The following NCOA1 variants were observed in gnomAD, a reference collection of about 807,000 sequenced individuals.
The protein encoded by NCOA1 is nuclear receptor coactivator 1, also known as Hin-2 protein.
In NCOA1, 35 loss-of-function variants were observed where a neutral mutation model predicts 150.9. The observed-to-expected ratio is 0.23, with a 90% CI of 0.18 to 0.31. The LOEUF (loss-of-function observed/expected upper bound fraction) is 0.31, where lower values mean the gene tolerates loss of function less well. Ranked by LOEUF, NCOA1 falls within the 10% of genes least tolerant of loss-of-function variation. The pLI is 1.00. For missense variants in NCOA1, 1,491 were observed against 1,749.3 expected, an observed-to-expected ratio of 0.85 and a Z score of 2.63; for synonymous variants, 590 against 630.0, an observed-to-expected ratio of 0.94 and a Z score of 0.95.
At chr2:24,645,395 C>T (rs569524908) in intron 4 of NCOA1, among the ~76,000 whole-genome samples, 6 of 149,258 alleles carry the variant, frequency 4.0e-5, no homozygotes, top group Non-Finnish European at 7.4e-5. Context: ...CCTAGCTACT[C>T]GGGAGGCTGA....
intron 3 of NCOA1, among the ~76,000 whole-genome samples, chr2:24,599,490 AT>A (rs1216857747): frequency 6.6e-6 from 1 of 152,120 alleles, no homozygotes; most frequent in Non-Finnish European, 1.5e-5. Flanking sequence ...GTGGGAAGGT[AT>A]TTACATGTAT....
At chr2:24,526,241 C>T (rs1213219876) in intron 1 of NCOA1, among the ~76,000 whole-genome samples, 3 of 151,976 alleles carry the variant, frequency 2.0e-5, no homozygotes, top group African/African-American at 7.3e-5. Context: ...AGTGTGATTA[C>T]AGTGATCCAA....
chr2:24,733,114 G>A (rs1291266735), intron 17 of NCOA1, among the ~76,000 whole-genome samples: 1 of 152,180 alleles, frequency 6.6e-6, no homozygotes, highest in Non-Finnish European at 1.5e-5. Flanking sequence ...AAGAAAGAAG[G>A]GGAGAGTAAA....
chr2:24,558,522 C>T (rs1204715674), intron 1 of NCOA1, among the ~76,000 whole-genome samples: 2 of 152,144 alleles, frequency 1.3e-5, no homozygotes, highest in Admixed American at 1.3e-4. Flanking sequence ...GACTTATTCA[C>T]TATCACGAGA....
intron 3 of NCOA1, among the ~76,000 whole-genome samples, chr2:24,608,245 C>CTTA (rs1266276976): frequency 4.5e-4 from 58 of 127,550 alleles, no homozygotes; most frequent in Non-Finnish European, 4.4e-4. Flanking sequence ...ACCCAGTTCC[C>CTTA]CTATTATTAT....
chr2:24,731,651 AAAG>A (rs1663017669), intron 17 of NCOA1, among the ~76,000 whole-genome samples: 2 of 152,206 alleles, frequency 1.3e-5, no homozygotes, highest in African/African-American at 4.8e-5. Flanking sequence ...TAAAGGATTC[AAAG>A]AAGAATTAAA....
intron 17 of NCOA1, among the ~76,000 whole-genome samples, chr2:24,735,881 G>C (rs1663273299): frequency 1.3e-5 from 2 of 152,120 alleles, no homozygotes; most frequent in Admixed American, 6.5e-5. Flanking sequence ...ATTCTATTTT[G>C]GGAAAAAGAA....
intron 1 of NCOA1, among the ~76,000 whole-genome samples, chr2:24,502,180 C>A (rs1330663789): frequency 1.3e-5 from 2 of 152,002 alleles, no homozygotes; most frequent in African/African-American, 4.8e-5. Context: ...TATAAAGAGC[C>A]CAGTTTCAAT....
At position 24,491,375 on chromosome 2, in the gene NCOA1, G is replaced by C. The variant is rs1226403394; in HGVS notation, c.-623G>C. Among the ~76,000 whole-genome samples, 1 of 148,198 alleles carries C rather than the reference G, an allele frequency of 6.7e-6. No individual in the cohort carries two copies. The highest frequency in any genetic ancestry group is 1.5e-5 in the Non-Finnish European group (1 of 66,496). ...TGCTGAGCTCTGTCCTCCGACGGCTGCCTCGCGGCCTTGAGGGCCTCCGCC... is the reference window on the plus strand; with the variant it reads ...TGCTGAGCTCTGTCCTCCGACGGCTCCCTCGCGGCCTTGAGGGCCTCCGCC... On this transcript the variant is annotated 5_prime_UTR_variant, in exon 1 of 23. Transcript: ENST00000348332.
intron 1 of NCOA1, among the ~76,000 whole-genome samples, chr2:24,503,249 T>C (rs1048047035): frequency 6.6e-6 from 1 of 152,084 alleles, no homozygotes; most frequent in Admixed American, 6.6e-5. Context: ...CGTGTTGTTC[T>C]ACAACATAAG....
chr2:24,676,407 C>T (rs945516944), intron 7 of NCOA1: 1 of 152,304 alleles, frequency 6.6e-6, no homozygotes, highest in Admixed American at 6.5e-5. Context: ...TGAAGTATTT[C>T]ATATTTTTCA....
At chr2:24,760,220 A>G (rs1032747289) in intron 21 of NCOA1, among the ~76,000 whole-genome samples, 2 of 147,598 alleles carry the variant, frequency 1.4e-5, no homozygotes, top group Non-Finnish European at 3.0e-5. Flanking sequence ...GCTCACTGCA[A>G]CCTCCACCTC....
chr2:24,529,322 AG>A (rs1664784714), intron 1 of NCOA1, among the ~76,000 whole-genome samples: 3 of 152,198 alleles, frequency 2.0e-5, no homozygotes, highest in Non-Finnish European at 4.4e-5. Context: ...AACATTTTCT[AG>A]GGCAGAGTTA....
chr2:24,556,392 A>G (rs898709939), intron 1 of NCOA1, among the ~76,000 whole-genome samples: 11 of 152,190 alleles, frequency 7.2e-5, no homozygotes. Flanking sequence ...TTAGTCTATC[A>G]TTGATGGGCA....
In NCOA1 at chr2:24,715,192, C is replaced by G. The variant is rs368358054; in HGVS notation, c.2599+4081C>G. 2.7e-4 allele frequency among the ~76,000 whole-genome samples: 41 copies of G among 152,146 alleles called. No homozygotes were observed. The South Asian group carries it at 6.2e-3, about 23-fold the overall frequency. ...AATAAAATGAATCCAGATGGAAACT[C>G]TAACCTACAGAAAATAATAAGAGAG... On this transcript the variant is annotated intron_variant, in intron 14 of 22. Transcript: ENST00000348332.
At chr2:24,673,785 C>T (rs1018946087) in intron 7 of NCOA1, among the ~76,000 whole-genome samples, 1 of 152,098 alleles carries the variant, frequency 6.6e-6, no homozygotes, top group African/African-American at 2.4e-5. Flanking sequence ...ATTTACTTAG[C>T]TAGCTAGTGT....
chr2:24,557,013 G>GC (rs946677480), intron 1 of NCOA1, among the ~76,000 whole-genome samples: 19 of 149,290 alleles, frequency 1.3e-4, no homozygotes, highest in African/African-American at 4.5e-4. Flanking sequence ...TTGTTGGGTT[G>GC]GGGGGGGTGG....
chr2:24,707,396 A>G lies in NCOA1; in HGVS notation c.1926A>G (p.Glu642=). 6.2e-7 allele frequency: 1 copy of G among 1,614,218 alleles called. No homozygotes were observed. The part of the protein sequence containing the change: ...KLVQLLTTTA[E]QQLRHADIDT... ...TGCAGCTTTTGACAACAACTGCCGA[A>G]CAGCAGTTACGGCATGCTGATATAG... Residue 642 remains glutamate, a synonymous_variant, in exon 13 of 23, where the codon GAA becomes GAG. Transcript: ENST00000348332.
At chr2:24,586,329 TGGTCCCA>T (rs1182346577) in intron 3 of NCOA1, among the ~76,000 whole-genome samples, 1 of 150,144 alleles carries the variant, frequency 6.7e-6, no homozygotes, top group Non-Finnish European at 1.5e-5. Context: ...TGTGCGCCTG[TGGTCCCA>T]GCTACTTGGG....
Sources: gnomAD v4.1 joint callset for allele counts (sites outside exome capture counted in the v4.1 genomes callset) on GRCh38, gnomAD v4.1.1 for gene constraint, MANE v1.5 for transcripts, NCBI Gene and HGNC (gene_info 2026-07-23, HGNC 2026-07-21) for gene names.